Variants in CNNM4 observed in about 807,000 individuals in gnomAD.
CNNM4 encodes the protein metal transporter CNNM4.
In CNNM4, 32 loss-of-function variants were observed where a neutral mutation model predicts 53.7. That is an observed-to-expected ratio of 0.60 (90% CI 0.45 to 0.80). The LOEUF (loss-of-function observed/expected upper bound fraction) is 0.80, where lower values mean the gene tolerates loss of function less well. Ranked by LOEUF, CNNM4 falls within the 30% of genes least tolerant of loss-of-function variation. CNNM4 has a pLI of 0.00. For missense variants in CNNM4, 784 were observed against 1,022.0 expected (o/e 0.77, Z 3.17); for synonymous variants, 410 against 440.0 (o/e 0.93, Z 0.85).
Position 96,808,876 on chromosome 2 carries a change from T to C in CNNM4, c.2130+134T>C. ...TTCTTCTGGAGATGGGGTCTTGCTCTGTCGCCCAGGCTGGAATGCAGTGGT... is the reference window on the plus strand; with the variant it reads ...TTCTTCTGGAGATGGGGTCTTGCTCCGTCGCCCAGGCTGGAATGCAGTGGT... On this transcript the variant is annotated intron_variant, in intron 6 of 6. Transcript: ENST00000377075. The surrounding 1 kb of genome is among the most constrained non-coding windows in gnomAD (Gnocchi z 4.9). 1 of 916,942 alleles carries C rather than the reference T, an allele frequency of 1.1e-6. No homozygotes were observed. The highest frequency in any genetic ancestry group is 1.7e-6 in the Non-Finnish European group (1 of 581,758). 56.8% of individuals were successfully genotyped at this position (916,942 alleles called of 1,614,324 possible).
At chr2:96,773,460 C>T (rs939293785) in intron 1 of CNNM4, among the ~76,000 whole-genome samples, 8 of 152,178 alleles carry the variant, frequency 5.3e-5, no homozygotes, top group South Asian at 4.1e-4. Context: ...ACACTGTCTC[C>T]GTTGGCAGGC....
chr2:96,802,991 A>C (rs2079172407), intron 5 of CNNM4, among the ~76,000 whole-genome samples: 1 of 152,042 alleles, frequency 6.6e-6, no homozygotes, highest in Admixed American at 6.6e-5. Flanking sequence ...CTGCCCTAAA[A>C]ACCCGTCACC....
At position 96,808,637 on chromosome 2, in the gene CNNM4, T is replaced by TGCAGCAACCTTGGCAGGCA. The variant is rs761062776; in HGVS notation, c.2035_2053dup (p.Gln685LeufsTer19). 3 of 1,614,040 alleles carry TGCAGCAACCTTGGCAGGCA rather than the reference T, an allele frequency of 1.9e-6. No individual in the cohort carries two copies. The highest frequency in any genetic ancestry group is 2.5e-6 in the Non-Finnish European group (3 of 1,180,042). On this transcript the variant is annotated frameshift_variant, in exon 6 of 7. Transcript: ENST00000377075. LOFTEE classifies it high-confidence loss of function. The surrounding 1 kb of genome is among the most constrained non-coding windows in gnomAD (Gnocchi z 4.9). ...ACCCAGACCGCACAGACGTCTCAAC[T>TGCAGCAACCTTGGCAGGCA]GCAGCAACCTTGGCAGGCAGCAGCA...
At chr2:96,775,585 G>A (rs747306983) in intron 1 of CNNM4, among the ~76,000 whole-genome samples, 1 of 152,218 alleles carries the variant, frequency 6.6e-6, no homozygotes, top group Non-Finnish European at 1.5e-5. Context: ...AAGGCACAGG[G>A]ATGGTAGAGA....
In CNNM4 at chr2:96,761,607, A is replaced by G; in HGVS notation, c.608A>G (p.Asn203Ser). 6.2e-7 allele frequency: 1 copy of G among 1,614,132 alleles called. No individual in the cohort carries two copies. Among genetic ancestry groups the G allele is most frequent in the Non-Finnish European group, 8.5e-7 (1 of 1,180,026 alleles). Residue 203 changes from asparagine to serine, a missense_variant, in exon 1 of 7, where the codon AAC becomes AGC. Physicochemically the swap from Asn to Ser is conservative, Grantham distance 46. Transcript: ENST00000377075. The surrounding 1 kb of genome is among the most constrained non-coding windows in gnomAD (Gnocchi z 6.0). ...CTGTCGGGCATATTTTCTGGCCTCAACCTCGGGCTTATGGCCCTGGACCCC... is the reference window on the plus strand; with the variant it reads ...CTGTCGGGCATATTTTCTGGCCTCAGCCTCGGGCTTATGGCCCTGGACCCC... Reference protein sequence around the residue: ...LVLSGIFSGLNLGLMALDPME... With the variant: ...LVLSGIFSGLSLGLMALDPME...
intron 1 of CNNM4, among the ~76,000 whole-genome samples, chr2:96,767,746 T>A (rs2078831508): frequency 6.6e-6 from 1 of 152,084 alleles, no homozygotes; most frequent in African/African-American, 2.4e-5. Flanking sequence ...GGTAGTGCAG[T>A]ATAAATTGGT....
intron 1 of CNNM4, among the ~76,000 whole-genome samples, chr2:96,793,997 G>A (rs1280979397): frequency 6.6e-6 from 1 of 152,162 alleles, no homozygotes; most frequent in African/African-American, 2.4e-5. Context: ...AGAGAGGCCA[G>A]CAGCCTTTCA....
intron 1 of CNNM4, among the ~76,000 whole-genome samples, chr2:96,795,441 A>G (rs546507797): frequency 1.3e-5 from 2 of 152,182 alleles, no homozygotes; most frequent in Admixed American, 1.3e-4. Flanking sequence ...GGAAATACAT[A>G]TATCATAGCC....
In CNNM4 at chr2:96,761,586, C is replaced by A. The variant is rs1161624297; in HGVS notation, c.587C>A (p.Ser196Ter). The change falls in exon 1 of 7, where the codon TCG (serine) becomes TAG (stop). Residue 196 changes from serine (S) to a stop codon, truncating the protein, a stop_gained. Transcript: ENST00000377075. LOFTEE classifies it high-confidence loss of function. This position sits in a 1 kb window ranked among gnomAD's most constrained non-coding sequence, Gnocchi z 6.0. Reference sequence around the variant, plus strand: ...CTAATTACGGTGCTGCTGGTGCTGTCGGGCATATTTTCTGGCCTCAACCTC... The same window carrying A: ...CTAATTACGGTGCTGCTGGTGCTGTAGGGCATATTTTCTGGCCTCAACCTC... Reference protein sequence around the residue: ...ILLITVLLVLSGIFSGLNLGL... With the variant: ...ILLITVLLVL 6.2e-7 allele frequency: 1 copy of A among 1,614,162 alleles called. No homozygotes were observed. Among genetic ancestry groups the A allele is most frequent in the Non-Finnish European group, 8.5e-7 (1 of 1,180,016 alleles).
chr2:96,778,695 T>TC (rs139649176), intron 1 of CNNM4, among the ~76,000 whole-genome samples: 41,137 of 151,710 alleles, frequency 0.27, 6,103 homozygotes, highest in East Asian at 0.32. Context: ...CAAGTAATCC[T>TC]CCTGCCTCAG....
chr2:96,796,825 T>G (rs554327027), intron 1 of CNNM4, among the ~76,000 whole-genome samples, 187 bp from the exon 2 acceptor site: 3 of 152,188 alleles, frequency 2.0e-5, no homozygotes, highest in Non-Finnish European at 4.4e-5. Context: ...AAAATTACTT[T>G]TAGTTTTCCT....
chr2:96,764,974 A>G (rs879847580), intron 1 of CNNM4, among the ~76,000 whole-genome samples: 2 of 138,034 alleles, frequency 1.4e-5, no homozygotes, highest in Non-Finnish European at 3.1e-5. Context: ...GCGACTGAGC[A>G]AGACTCTGTT....
chr2:96,798,024 A>C (rs2079120372), intron 3 of CNNM4, among the ~76,000 whole-genome samples: 1 of 152,032 alleles, frequency 6.6e-6, no homozygotes, highest in Non-Finnish European at 1.5e-5. Context: ...CCCCATCTCT[A>C]CAAAAAATAC....
At position 96,794,996 on chromosome 2, in the gene CNNM4, G is replaced by A. The variant is rs553055309; in HGVS notation, c.1403-2016G>A. On this transcript the variant is annotated intron_variant, in intron 1 of 6. Transcript: ENST00000377075. ...ATGCTCAAAAGAAATGCTCATTGGA[G>A]CATTTTGTAGTTCAGATTTTCAGAT... Among the ~76,000 whole-genome samples the A allele has an allele frequency of 2.0e-5, 3 of 152,370 alleles. No individual in the cohort carries two copies. In the East Asian group the frequency reaches 5.8e-4, roughly 29 times the overall value.
At chr2:96,764,135 T>G (rs1031189906) in intron 1 of CNNM4, among the ~76,000 whole-genome samples, 3 of 152,188 alleles carry the variant, frequency 2.0e-5, no homozygotes, top group Non-Finnish European at 4.4e-5. Context: ...ATCAGTTCAT[T>G]TGGAATCTGG....
intron 1 of CNNM4, among the ~76,000 whole-genome samples, chr2:96,792,681 G>A (rs1193556555): frequency 6.6e-6 from 1 of 152,070 alleles, no homozygotes; most frequent in Non-Finnish European, 1.5e-5. Context: ...GCGGGCGCCT[G>A]TAATCCCAGC....
chr2:96,773,172 T>G, intron 1 of CNNM4, among the ~76,000 whole-genome samples: 1 of 152,182 alleles, frequency 6.6e-6, no homozygotes, highest in East Asian at 1.9e-4. Flanking sequence ...TTTCAAAAAT[T>G]AGTAAATGCT....
chr2:96,798,105 T>C lies in CNNM4; in HGVS notation c.1681+458T>C, dbSNP rs927088640. Among the ~76,000 whole-genome samples the C allele has an allele frequency of 2.6e-5, 4 of 152,246 alleles. No individual in the cohort carries two copies. The East Asian group carries it at 7.7e-4, about 29-fold the overall frequency. On this transcript the variant is annotated intron_variant, in intron 3 of 6. Coordinates refer to ENST00000377075, the MANE Select transcript of CNNM4 (RefSeq NM_020184.4). ...GAGGCTATGAGGTGGGACAGTTGCA[T>C]GTCTGTGGTCCCAGCTACTCAGGAG...
intron 4 of CNNM4, 134 bp downstream of exon 4, chr2:96,799,360 G>A (rs901001049): frequency 1.4e-5 from 19 of 1,321,936 alleles, no homozygotes; most frequent in East Asian, 4.7e-5. Flanking sequence ...CTTGAGCCCC[G>A]CCTGCCCCAC....
Sources: gnomAD v4.1 joint callset for allele counts (sites outside exome capture counted in the v4.1 genomes callset) on GRCh38, gnomAD v4.1.1 for gene constraint, Gnocchi (gnomAD v3.1) non-coding constraint, MANE v1.5 for transcripts, NCBI Gene and HGNC (gene_info 2026-07-23, HGNC 2026-07-21) for gene names.